LINGO2: variants seen among roughly 807,000 people sequenced by gnomAD.
The protein encoded by LINGO2 is leucine rich repeat and Ig domain containing 2.
Under a neutral mutation model 30.6 loss-of-function variants are expected in LINGO2, and 14 were observed. That is an observed-to-expected ratio of 0.46 (90% CI 0.30 to 0.72). The LOEUF (loss-of-function observed/expected upper bound fraction) is 0.72. Among genes scored for constraint, LINGO2 ranks in the 30% least tolerant of loss-of-function variants. The pLI is 0.07. For synonymous variants in LINGO2, 317 were observed against 288.5 expected, an observed-to-expected ratio of 1.10 and a Z score of -1.00; for missense variants, 729 against 751.7, an observed-to-expected ratio of 0.97 and a Z score of 0.35.
chr9:28,511,688 C>A (rs1820392375), intron 1 of LINGO2, among the ~76,000 whole-genome samples: 1 of 152,194 alleles, frequency 6.6e-6, no homozygotes, highest in Admixed American at 6.5e-5. Context: ...CCCCAAATTT[C>A]TTTGTCACCA....
the LINGO2 span, among the ~76,000 whole-genome samples, chr9:29,003,839 A>T: frequency 2.0e-5 from 3 of 152,012 alleles, no homozygotes; most frequent in Non-Finnish European, 2.9e-5. Context: ...AACTTATCTG[A>T]GGGAGAGAAT....
chr9:28,712,939 C>T, the LINGO2 span, among the ~76,000 whole-genome samples: 2 of 152,024 alleles, frequency 1.3e-5, no homozygotes, highest in East Asian at 1.9e-4. Flanking sequence ...GATCTCCGCT[C>T]ACTGCAAACT....
the LINGO2 span, among the ~76,000 whole-genome samples, chr9:28,762,689 C>A: frequency 6.6e-6 from 1 of 151,988 alleles, no homozygotes; most frequent in African/African-American, 2.4e-5. Context: ...GTCCCCTTCC[C>A]CTAACATAAA....
chr9:28,506,477 C>T (rs370997339), intron 1 of LINGO2, among the ~76,000 whole-genome samples: 21 of 12,622 alleles, frequency 1.7e-3, no homozygotes, highest in South Asian at 4.9e-3. Flanking sequence ...CACACACACA[C>T]ACATACACAT....
At chr9:28,512,545 T>TGTATTAGG (rs2135368262) in intron 1 of LINGO2, among the ~76,000 whole-genome samples, 1 of 144,926 alleles carries the variant, frequency 6.9e-6, no homozygotes, top group East Asian at 2.1e-4. Context: ...AACCAAAATC[T>TGTATTAGG]GTATTAGGGT....
the LINGO2 span, among the ~76,000 whole-genome samples, chr9:28,843,884 A>G: frequency 6.6e-6 from 1 of 151,724 alleles, no homozygotes; most frequent in African/African-American, 2.4e-5. Flanking sequence ...GGTTCAAATT[A>G]TTGGCTCTAC....
chr9:29,033,251 T>C, the LINGO2 span, among the ~76,000 whole-genome samples: 1 of 151,984 alleles, frequency 6.6e-6, no homozygotes. Flanking sequence ...AGGGAGCTTT[T>C]CTTGATGGAG....
At chr9:28,225,729 C>T (rs1049679334) in intron 4 of LINGO2, among the ~76,000 whole-genome samples, 3 of 151,684 alleles carry the variant, frequency 2.0e-5, no homozygotes, top group African/African-American at 4.8e-5. Flanking sequence ...ATGTGAAAAC[C>T]TCATGAAAAT....
chr9:27,988,001 C>T (rs1267832449), intron 5 of LINGO2, among the ~76,000 whole-genome samples: 1 of 151,984 alleles, frequency 6.6e-6, no homozygotes, highest in African/African-American at 2.4e-5. Context: ...ATCCCTCCTC[C>T]ATCCCTCCAC....
chr9:28,733,636 C>G, the LINGO2 span, among the ~76,000 whole-genome samples: 4 of 152,154 alleles, frequency 2.6e-5, no homozygotes. Flanking sequence ...GTGAGTGTCA[C>G]TAGGGTTGCG....
chr9:28,110,375 A>G (rs1324638301), intron 4 of LINGO2, among the ~76,000 whole-genome samples: 1 of 152,224 alleles, frequency 6.6e-6, no homozygotes, highest in African/African-American at 2.4e-5. Flanking sequence ...ATTTGCAACA[A>G]AAGCCAAAAT....
the LINGO2 span, among the ~76,000 whole-genome samples, chr9:29,027,622 G>T: frequency 2.4e-3 from 369 of 152,278 alleles, 4 homozygotes; most frequent in African/African-American, 8.0e-3. Context: ...ACAGGCATGA[G>T]CCACCACACC....
the LINGO2 span, among the ~76,000 whole-genome samples, chr9:28,797,355 TATATAGAGAGAGAGAG>T: frequency 1.9e-4 from 11 of 59,296 alleles, no homozygotes; most frequent in African/African-American, 5.7e-4. Flanking sequence ...TATATATATA[TATATAGAGAGAGAGAG>T]AGAGAGAGAG....
chr9:28,851,824 G>C, the LINGO2 span, among the ~76,000 whole-genome samples: 22 of 151,982 alleles, frequency 1.4e-4, no homozygotes, highest in Middle Eastern at 6.8e-3. Flanking sequence ...TAAATCATGA[G>C]AAGTTATACT....
At chr9:28,094,010 T>C (rs796450377) in intron 4 of LINGO2, among the ~76,000 whole-genome samples, 11 of 152,228 alleles carry the variant, frequency 7.2e-5, no homozygotes, top group African/African-American at 2.2e-4. Context: ...TGGCAGCTAG[T>C]AGAGGACCTG....
chr9:28,327,365 T>C (rs1318308277), intron 3 of LINGO2, among the ~76,000 whole-genome samples: 1 of 152,048 alleles, frequency 6.6e-6, no homozygotes, highest in Non-Finnish European at 1.5e-5. Flanking sequence ...CCCGAAAAAA[T>C]GTTTAAAATA....
intron 1 of LINGO2, among the ~76,000 whole-genome samples, chr9:28,588,719 AT>A (rs1824704470): frequency 1.3e-5 from 2 of 152,076 alleles, no homozygotes; most frequent in Non-Finnish European, 2.9e-5. Context: ...GAGGTCTTTC[AT>A]TTAGAAATTT....
the LINGO2 span, among the ~76,000 whole-genome samples, chr9:28,765,189 C>G: frequency 6.6e-6 from 1 of 151,904 alleles, no homozygotes; most frequent in Non-Finnish European, 1.5e-5. Context: ...ACAAACAAAA[C>G]AATCTTGAGA....
exon 6 of LINGO2, chr9:27,948,953 G>A (rs950632130): frequency 1.2e-6 from 2 of 1,613,942 alleles, no homozygotes; most frequent in Admixed American, 1.7e-5. Context: ...TGCTGTTTTT[G>A]TGCTTGCCTT....
Sources: gnomAD v4.1 joint callset for allele counts (sites outside exome capture counted in the v4.1 genomes callset) on GRCh38, gnomAD v4.1.1 for gene constraint, MANE v1.5 for transcripts, NCBI Gene and HGNC (gene_info 2026-07-23, HGNC 2026-07-21) for gene names.